The following PAK3 variants were observed in gnomAD, a reference collection of about 807,000 sequenced individuals.
The protein encoded by PAK3 is p21 (RAC1) activated kinase 3, also known as serine/threonine-protein kinase PAK 3.
PAK3 carries 4 observed loss-of-function variants against 41.0 expected under a neutral mutation model. The ratio of observed to expected loss-of-function variants is 0.10; its 90% CI spans 0.05 to 0.22. PAK3 has a LOEUF of 0.22. Among genes scored for constraint, PAK3 ranks in the 10% least tolerant of loss-of-function variants. The pLI, the probability that PAK3 is intolerant of heterozygous loss-of-function variation, is 1.00. For synonymous variants in PAK3, 146 were observed against 139.6 expected (o/e 1.05, Z -0.32); for missense variants, 205 against 409.9 (o/e 0.50, Z 4.32).
At chrX:111,015,241 C>T (rs2092070666) in intron 1 of PAK3, among the ~76,000 whole-genome samples, 1 of 110,109 alleles carries the variant, frequency 9.1e-6, no homozygotes, top group Non-Finnish European at 1.9e-5. Context: ...ATCATAATGT[C>T]CTCCAGGTTG....
intron 16 of PAK3, among the ~76,000 whole-genome samples, chrX:111,199,516 CACTT>C (rs2094654644): frequency 9.0e-6 from 1 of 111,080 alleles, no homozygotes; most frequent in African/African-American, 3.3e-5. Flanking sequence ...ATCTAAAAAA[CACTT>C]GCTTTATAAT....
In PAK3 at chrX:111,220,945, C is replaced by CAAAAAAAAAAAAAAAAAAAAAAAAA; in HGVS notation, c.*515_*516insAAAAAAAAAAAAAAAAAAAAAAAAA. On this transcript the variant is annotated 3_prime_UTR_variant, in exon 18 of 18. Coordinates refer to ENST00000372007, the MANE Select transcript of PAK3 (RefSeq NM_002578.5). Reference sequence around the variant, plus strand: ...AAAAAAGAAAGCAAAAAAAGCAAGGCAAAAAAAAAAAAAAAAACAAACAAA... The same window carrying CAAAAAAAAAAAAAAAAAAAAAAAAA: ...AAAAAAGAAAGCAAAAAAAGCAAGGCAAAAAAAAAAAAAAAAAAAAAAAAAAAAAAAAAAAAAAAAAACAAACAAA... 4.0e-5 allele frequency: 2 copies of CAAAAAAAAAAAAAAAAAAAAAAAAA among 49,445 alleles called. No individual in the cohort carries two copies. Among genetic ancestry groups the CAAAAAAAAAAAAAAAAAAAAAAAAA allele is most frequent in the African/African-American group, 8.5e-5 (1 of 11,723 alleles). The allele number at this position is 49,445 out of a possible 1,213,427, so 4.1% of individuals were successfully genotyped here. A position where few individuals can be genotyped will look rare whatever the true frequency, so the allele number is the denominator to read the frequency against.
intron 1 of PAK3, among the ~76,000 whole-genome samples, chrX:110,980,541 C>T (rs1454626448): frequency 9.0e-6 from 1 of 111,276 alleles, no homozygotes; most frequent in Non-Finnish European, 1.9e-5. Context: ...CAAGGGATAA[C>T]TTTCCCCTTG....
At chrX:110,987,491 G>T (rs970841439) in intron 1 of PAK3, among the ~76,000 whole-genome samples, 1 of 111,678 alleles carries the variant, frequency 9.0e-6, no homozygotes, top group Non-Finnish European at 1.9e-5. Context: ...ATTAGACCCC[G>T]CCAGAGGGAG....
intron 16 of PAK3, among the ~76,000 whole-genome samples, chrX:111,211,631 G>A (rs2094820920): frequency 1.0e-5 from 1 of 99,272 alleles, no homozygotes; most frequent in Admixed American, 1.1e-4. Context: ...AGCCATGATC[G>A]CACCACTACA....
At chrX:110,998,668 C>T (rs1300082661) in intron 1 of PAK3, among the ~76,000 whole-genome samples, 3 of 111,760 alleles carry the variant, frequency 2.7e-5, no homozygotes, top group African/African-American at 9.7e-5. Flanking sequence ...TGAAAAGATC[C>T]ACCTCCTGCA....
intron 1 of PAK3, among the ~76,000 whole-genome samples, chrX:111,022,363 C>T (rs184330428): frequency 1.8e-5 from 2 of 111,593 alleles, no homozygotes; most frequent in Non-Finnish European, 3.8e-5. Context: ...AAGGGTTTGG[C>T]GACATATTTT....
rs1320774876 is a variant in PAK3 at position 111,147,759 on chromosome X, G to A, written c.299G>A (p.Arg100Gln). Reference sequence around the variant, plus strand: ...CAGGGAATTCCAGAGCAATGGGCACGATTACTCCAAACTTCCAACATAACA... The same window carrying A: ...CAGGGAATTCCAGAGCAATGGGCACAATTACTCCAAACTTCCAACATAACA... ...EFTGIPEQWA[R>Q]LLQTSNITKL... The change falls in exon 7 of 18, where the codon CGA becomes CAA. Residue 100 changes from arginine (R) to glutamine (Q), a missense_variant. By Grantham distance (43) the Arg-to-Gln change is conservative. Around this residue, in one of 5 missense-constraint regions of PAK3, gnomAD observed 22 missense variants for 83.5 expected, o/e 0.26. Coordinates refer to ENST00000372007, the MANE Select transcript of PAK3 (RefSeq NM_002578.5). 1.7e-6 allele frequency: 2 copies of A among 1,205,199 alleles called. No homozygotes were observed. The highest frequency in any genetic ancestry group is 2.2e-6 in the Non-Finnish European group (2 of 889,784).
intron 1 of PAK3, among the ~76,000 whole-genome samples, chrX:111,047,269 T>C (rs1246177829): frequency 1.8e-5 from 2 of 111,600 alleles, no homozygotes; most frequent in Non-Finnish European, 3.8e-5. Context: ...CTTAGAGAGT[T>C]GATCATTTAG....
rs1174105343 is a variant in PAK3, at chrX:111,192,264, A to T, written c.879+89A>T. 1.2e-5 allele frequency: 8 copies of T among 649,054 alleles called. No individual in the cohort carries two copies. The East Asian group carries it at 1.3e-4, about 11-fold the overall frequency. The allele number at this position is 649,054 out of a possible 1,213,427, so 53.5% of individuals were successfully genotyped here. Reference sequence around the variant, plus strand: ...TCGATGGCAACTTCGCCTAAAAAAAAAATGGGTAGCACTGGGTTGACATAG... The same window carrying T: ...TCGATGGCAACTTCGCCTAAAAAAATAATGGGTAGCACTGGGTTGACATAG... On this transcript the variant is annotated intron_variant, in intron 12 of 17. Transcript: ENST00000372007.
At chrX:111,178,780 A>G (rs910363360) in intron 11 of PAK3, among the ~76,000 whole-genome samples, 3 of 110,106 alleles carry the variant, frequency 2.7e-5, no homozygotes, top group Non-Finnish European at 5.7e-5. Flanking sequence ...GGGTATAGGA[A>G]TTTAACAAGT....
At position 111,147,802 on chromosome X, in the gene PAK3, G is replaced by A; in HGVS notation, c.342G>A (p.Lys114=). The change falls in exon 7 of 18, where the codon AAG becomes AAA. Residue 114 remains lysine (K), a synonymous_variant. Coordinates refer to ENST00000372007, the MANE Select transcript of PAK3 (RefSeq NM_002578.5). ...TSNITKLEQK[K]NPQAVLDVLK... is the part of the protein sequence containing the mutation. ...ACATAACAAAATTGGAACAGAAGAA[G>A]AACCCACAAGCTGTTCTAGATGTTC... The A allele has an allele frequency of 8.3e-7, 1 of 1,198,631 alleles. No individual in the cohort carries two copies. The highest frequency in any genetic ancestry group is 1.1e-6 in the Non-Finnish European group (1 of 883,625).
At chrX:111,146,732 G>A (rs771204482) in intron 6 of PAK3, among the ~76,000 whole-genome samples, 3 of 111,212 alleles carry the variant, frequency 2.7e-5, no homozygotes, top group African/African-American at 9.8e-5. Flanking sequence ...TTGTTTTGCC[G>A]AGACTTCATA....
At chrX:111,050,858 G>A (rs1451865507) in intron 1 of PAK3, among the ~76,000 whole-genome samples, 1 of 112,221 alleles carries the variant, frequency 8.9e-6, no homozygotes, top group East Asian at 2.8e-4. Context: ...TGAGTGTTTG[G>A]TTTTGATTGC....
At chrX:111,054,988 C>T (rs2092591822) in intron 1 of PAK3, among the ~76,000 whole-genome samples, 1 of 112,012 alleles carries the variant, frequency 8.9e-6, no homozygotes, top group Admixed American at 9.5e-5. Context: ...ACTGCTGCAC[C>T]AAGCATTATA....
chrX:110,950,060 AC>A (rs1321383777), intron 1 of PAK3, among the ~76,000 whole-genome samples: 4 of 110,567 alleles, frequency 3.6e-5, no homozygotes, highest in African/African-American at 1.3e-4. Context: ...TGAAAAGGAC[AC>A]ATTTAAAGGC....
chrX:111,141,200 G>A (rs756315887), intron 5 of PAK3, among the ~76,000 whole-genome samples: 1 of 111,343 alleles, frequency 9.0e-6, no homozygotes, highest in East Asian at 2.8e-4. Flanking sequence ...CTTCCTCCTG[G>A]GAACTATTTC....
intron 6 of PAK3, chrX:111,145,002 T>G: frequency 1.8e-6 from 1 of 566,672 alleles, no homozygotes; most frequent in South Asian, 2.8e-5. Context: ...TCTCCTGGGC[T>G]ACACTGGACA....
intron 1 of PAK3, among the ~76,000 whole-genome samples, chrX:111,018,104 A>G (rs2092118464): frequency 9.0e-6 from 1 of 111,444 alleles, no homozygotes; most frequent in Non-Finnish European, 1.9e-5. Flanking sequence ...TAATAAGGCC[A>G]TATATGAAAA....
Sources: allele counts gnomAD v4.1 joint callset (sites outside exome capture counted in the v4.1 genomes callset), GRCh38; gene constraint gnomAD v4.1.1; regional missense constraint gnomAD v4.1.1; transcripts MANE v1.5; gene names NCBI Gene and HGNC (gene_info 2026-07-23, HGNC 2026-07-21).